The following ALOX5 variants were observed in gnomAD, a reference collection of about 807,000 sequenced individuals.
ALOX5 encodes the protein polyunsaturated fatty acid 5-lipoxygenase.
Under a neutral mutation model 87.9 loss-of-function variants are expected in ALOX5, and 64 were observed. That is an observed-to-expected ratio of 0.73 (90% CI 0.60 to 0.90). The LOEUF (loss-of-function observed/expected upper bound fraction) is 0.90. ALOX5 is among the 40% of genes least tolerant of loss of function. The probability of loss-of-function intolerance (pLI) is 0.00; values close to 1 mark genes in which losing one functional copy is unlikely to be tolerated. For synonymous variants in ALOX5, 388 were observed against 355.1 expected (o/e 1.09, Z -1.04); for missense variants, 822 against 907.5 (o/e 0.91, Z 1.21).
At chr10:45,376,357 C>T (rs1340604688) in intron 1 of ALOX5, among the ~76,000 whole-genome samples, 1 of 148,708 alleles carries the variant, frequency 6.7e-6, no homozygotes, top group Non-Finnish European at 1.5e-5. Context: ...GGGGTGGGGG[C>T]TACCGCAGGG....
At position 45,443,446 on chromosome 10, in the gene ALOX5, C is replaced by T; in HGVS notation, c.1482C>T (p.Tyr494=). 4 of 1,610,572 alleles carry T rather than the reference C, an allele frequency of 2.5e-6. No individual in the cohort carries two copies. Among genetic ancestry groups the T allele is most frequent in the East Asian group, 2.2e-5 (1 of 44,732 alleles). ...CGGCCGAGGTGGTAGACATCTACTACGAGGGCGACCAGGTGGTGGAGGAGG... is the reference window on the plus strand; with the variant it reads ...CGGCCGAGGTGGTAGACATCTACTATGAGGGCGACCAGGTGGTGGAGGAGG... ...TFTAEVVDIY[Y]EGDQVVEEDP... The change falls in exon 11 of 14, where the codon TAC becomes TAT. Residue 494 remains tyrosine, a synonymous_variant. Coordinates refer to ENST00000374391, the MANE Select transcript of ALOX5 (RefSeq NM_000698.5).
intron 9 of ALOX5, among the ~76,000 whole-genome samples, chr10:45,441,936 T>C: frequency 6.6e-6 from 1 of 152,084 alleles, no homozygotes; most frequent in East Asian, 1.9e-4. Flanking sequence ...GAGCCCTCTG[T>C]AGCCTTACCA....
chr10:45,374,555 C>T, intron 1 of ALOX5, 126 bp downstream of exon 1: 1 of 928,914 alleles, frequency 1.1e-6, no homozygotes, highest in Non-Finnish European at 1.5e-6. Context: ...CTGGGGGTGT[C>T]CAGGACCCTG....
chr10:45,376,722 A>G (rs1009321718), intron 1 of ALOX5, among the ~76,000 whole-genome samples: 2 of 152,208 alleles, frequency 1.3e-5, no homozygotes, highest in African/African-American at 2.4e-5. Context: ...TAGTTCAGTC[A>G]AATAATGGAC....
chr10:45,421,950 C>A (rs1454224241), intron 4 of ALOX5, among the ~76,000 whole-genome samples: 1 of 152,204 alleles, frequency 6.6e-6, no homozygotes, highest in African/African-American at 2.4e-5. Context: ...GAGAAAAAGA[C>A]AGTACTCACA....
At chr10:45,377,896 T>C (rs1030247095) in intron 1 of ALOX5, among the ~76,000 whole-genome samples, 1 of 152,128 alleles carries the variant, frequency 6.6e-6, no homozygotes, top group East Asian at 1.9e-4. Flanking sequence ...AAACTACATA[T>C]CCAATAAAAA....
At position 45,388,965 on chromosome 10, in the gene ALOX5, T is replaced by C. The variant is rs997656030; in HGVS notation, c.349+6284T>C. On this transcript the variant is annotated intron_variant, in intron 2 of 13. Transcript: ENST00000374391. ...CTTGAAAAAAGATTAGACGAATGGCTAACTAGAATAACCAATGTAGAGAAG... is the reference window on the plus strand; with the variant it reads ...CTTGAAAAAAGATTAGACGAATGGCCAACTAGAATAACCAATGTAGAGAAG... 5.3e-5 allele frequency among the ~76,000 whole-genome samples: 8 copies of C among 152,142 alleles called. No homozygotes were observed. In the East Asian group the frequency reaches 1.5e-3, roughly 29 times the overall value.
At position 45,443,185 on chromosome 10, in the gene ALOX5, G is replaced by A. The variant is rs757213685; in HGVS notation, c.1420G>A (p.Asp474Asn). 6.2e-7 allele frequency: 1 copy of A among 1,613,726 alleles called. No homozygotes were observed. ...CATCCCCTACTACTTCTACCGGGAC[G>A]ACGGGCTCCTGGTGTGGGAAGCCAT... ...EDIPYYFYRDDGLLVWEAIRT... is the reference protein window; with the variant it reads ...EDIPYYFYRDNGLLVWEAIRT... Residue 474 changes from aspartate to asparagine, a missense_variant, in exon 10 of 14, where the codon GAC becomes AAC. Physicochemically the swap from Asp to Asn is conservative, Grantham distance 23. Coordinates refer to ENST00000374391, the MANE Select transcript of ALOX5 (RefSeq NM_000698.5).
rs550063757 is a variant in ALOX5, at chr10:45,417,771, C to T, written c.554+5458C>T. 3.3e-5 allele frequency among the ~76,000 whole-genome samples: 5 copies of T among 152,312 alleles called. No individual in the cohort carries two copies. The East Asian group carries it at 7.7e-4, about 24-fold the overall frequency. On this transcript the variant is annotated intron_variant, in intron 4 of 13. Coordinates refer to ENST00000374391, the MANE Select transcript of ALOX5 (RefSeq NM_000698.5). ...GTCCTACATGCATAGGATGCTCCAC[C>T]GTGGGGAGCCAGCAGGGCTTTGCAG...
chr10:45,396,185 GA>G (rs1005343346), intron 3 of ALOX5, among the ~76,000 whole-genome samples: 1 of 152,220 alleles, frequency 6.6e-6, no homozygotes, highest in African/African-American at 2.4e-5. Context: ...AGAATGGGCA[GA>G]AAAGCTTGAG....
chr10:45,414,839 C>A (rs528287139), intron 4 of ALOX5, among the ~76,000 whole-genome samples: 1 of 152,314 alleles, frequency 6.6e-6, no homozygotes, highest in African/African-American at 2.4e-5. Flanking sequence ...AAGAAATGCT[C>A]ATCATCACTG....
At chr10:45,426,236 A>G (rs1841698646) in intron 6 of ALOX5, among the ~76,000 whole-genome samples, 2 of 152,094 alleles carry the variant, frequency 1.3e-5, no homozygotes, top group South Asian at 4.1e-4. Flanking sequence ...GAATTGGAAG[A>G]CTCTGAGCAG....
At chr10:45,420,273 T>G (rs1438088339) in intron 4 of ALOX5, among the ~76,000 whole-genome samples, 1 of 152,192 alleles carries the variant, frequency 6.6e-6, no homozygotes, top group Non-Finnish European at 1.5e-5. Context: ...GTTTGGAAAA[T>G]GTAGGGTGGT....
chr10:45,396,843 A>G (rs1400098587), intron 3 of ALOX5, among the ~76,000 whole-genome samples: 1 of 152,256 alleles, frequency 6.6e-6, no homozygotes, highest in South Asian at 2.1e-4. Context: ...CCAGAAGTAT[A>G]TAAAAGGCAT....
At chr10:45,376,337 G>A (rs1345677033) in intron 1 of ALOX5, among the ~76,000 whole-genome samples, 2 of 151,652 alleles carry the variant, frequency 1.3e-5, no homozygotes, top group African/African-American at 4.8e-5. Context: ...GGTGGGGCGG[G>A]GGGTGGTTGG....
intron 2 of ALOX5, among the ~76,000 whole-genome samples, chr10:45,392,500 T>C (rs1840322890): frequency 1.3e-5 from 2 of 151,680 alleles, no homozygotes; most frequent in Non-Finnish European, 2.9e-5. Context: ...AAACAGATGC[T>C]TGAAGGCAGC....
chr10:45,412,567 C>T (rs1457990443), intron 4 of ALOX5, among the ~76,000 whole-genome samples: 1 of 152,188 alleles, frequency 6.6e-6, no homozygotes, highest in Non-Finnish European at 1.5e-5. Context: ...AAGCAGGGGT[C>T]TTTAGTTGGA....
At chr10:45,387,519 C>T (rs1016589590) in intron 2 of ALOX5, among the ~76,000 whole-genome samples, 1 of 152,186 alleles carries the variant, frequency 6.6e-6, no homozygotes, top group African/African-American at 2.4e-5. Context: ...AGCAAAAAGG[C>T]AGCTCTGCAC....
chr10:45,408,568 A>G (rs4949000), intron 3 of ALOX5, among the ~76,000 whole-genome samples: 55,181 of 152,088 alleles, frequency 0.36, 10,954 homozygotes, highest in East Asian at 0.61. Flanking sequence ...TTTCTTATCA[A>G]TCTTAAAGAG....
Sources: allele counts gnomAD v4.1 joint callset (sites outside exome capture counted in the v4.1 genomes callset), GRCh38; gene constraint gnomAD v4.1.1; transcripts MANE v1.5; gene names NCBI Gene and HGNC (gene_info 2026-07-23, HGNC 2026-07-21).